The following PIAS1 variants were observed in gnomAD, a reference collection of about 807,000 sequenced individuals.
PIAS1 encodes the protein protein inhibitor of activated STAT 1.
Under a neutral mutation model 71.3 loss-of-function variants are expected in PIAS1, and 6 were observed. The ratio of observed to expected loss-of-function variants is 0.08; its 90% confidence interval spans 0.05 to 0.17. The LOEUF (loss-of-function observed/expected upper bound fraction) is 0.17, where lower values mean the gene tolerates loss of function less well. Among genes scored for constraint, PIAS1 ranks in the 10% least tolerant of loss-of-function variants. PIAS1 has a pLI of 1.00. For missense variants in PIAS1, 555 were observed against 793.6 expected, an observed-to-expected ratio of 0.70 and a Z score of 3.61; for synonymous variants, 303 against 292.9, an observed-to-expected ratio of 1.03 and a Z score of -0.35.
chr15:68,065,371 C>G (rs756431329), intron 1 of PIAS1, among the ~76,000 whole-genome samples: 1 of 151,968 alleles, frequency 6.6e-6, no homozygotes. Flanking sequence ...AGGCAGAGTG[C>G]TTAAGCTCAG....
chr15:68,110,235 C>T (rs1168189929), intron 2 of PIAS1, among the ~76,000 whole-genome samples: 1 of 151,944 alleles, frequency 6.6e-6, no homozygotes, highest in Non-Finnish European at 1.5e-5. Context: ...ATGTACAGGA[C>T]CTATTTGAAG....
At position 68,126,588 on chromosome 15, in the gene PIAS1, G is replaced by A. The variant is rs542015632; in HGVS notation, c.470-15358G>A. On this transcript the variant is annotated intron_variant, in intron 2 of 13. Transcript: ENST00000249636. Reference sequence around the variant, plus strand: ...CTTCCCAGGAGCTGGGATTGCAGGCGTGTCCCACCACGCCCAGCCAATTTT... The same window carrying A: ...CTTCCCAGGAGCTGGGATTGCAGGCATGTCCCACCACGCCCAGCCAATTTT... Among the ~76,000 whole-genome samples the A allele has an allele frequency of 5.3e-5, 8 of 152,278 alleles. 1 individual carries two copies. In the East Asian group the frequency reaches 9.7e-4, roughly 18 times the overall value.
chr15:68,132,979 TTTTC>T (rs1161377030), intron 2 of PIAS1, among the ~76,000 whole-genome samples: 1 of 151,724 alleles, frequency 6.6e-6, no homozygotes, highest in Non-Finnish European at 1.5e-5. Flanking sequence ...TTTTCTTTTC[TTTTC>T]TTTTTTTTTT....
intron 7 of PIAS1, among the ~76,000 whole-genome samples, chr15:68,159,275 C>CT (rs1274092821): frequency 3.3e-5 from 5 of 152,010 alleles, no homozygotes; most frequent in Non-Finnish European, 2.9e-5. Flanking sequence ...TCTACTTTTA[C>CT]TTTATTTTTT....
Position 68,190,635 on chromosome 15 carries a change from ACT to A in PIAS1, c.*2801_*2802del, listed in dbSNP as rs1180331335. 3.2e-5 allele frequency: 1 copy of A among 31,610 alleles called. No homozygotes were observed. The highest frequency in any genetic ancestry group is 6.2e-5 in the Non-Finnish European group (1 of 16,242). 2.0% of individuals were successfully genotyped at this position (31,610 alleles called of 1,614,324 possible). A position where few individuals can be genotyped will look rare whatever the true frequency, so the allele number is the denominator to read the frequency against. On this transcript the variant is annotated 3_prime_UTR_variant, in exon 14 of 14. Coordinates refer to ENST00000249636, the MANE Select transcript of PIAS1 (RefSeq NM_016166.3). The surrounding 1 kb of genome is among the most constrained non-coding windows in gnomAD (Gnocchi z 4.7). ...ATGCATATGTTTGTTTCTGTACAGT[ACT>A]GTGTGTGTGTGTGTGTATATATATA...
At chr15:68,100,623 T>C (rs960550394) in intron 2 of PIAS1, among the ~76,000 whole-genome samples, 5 of 152,250 alleles carry the variant, frequency 3.3e-5, no homozygotes, top group African/African-American at 7.2e-5. Flanking sequence ...AATATTCATA[T>C]ACAATTTCCT....
intron 1 of PIAS1, among the ~76,000 whole-genome samples, chr15:68,064,406 T>A (rs559118953): frequency 6.6e-6 from 1 of 152,334 alleles, no homozygotes; most frequent in South Asian, 2.1e-4. Flanking sequence ...GTGAAATATG[T>A]CAACATTTGG....
At chr15:68,103,459 A>T (rs953815980) in intron 2 of PIAS1, among the ~76,000 whole-genome samples, 1 of 151,844 alleles carries the variant, frequency 6.6e-6, no homozygotes, top group African/African-American at 2.4e-5. Context: ...CTTTATTGAC[A>T]TATAATTCAT....
At position 68,191,699 on chromosome 15, in the gene PIAS1, T is replaced by G. The variant is rs567943484; in HGVS notation, c.*3864T>G. ...TAAATCACAGCATCTGTTTAGTATC[T>G]GCAGTTTGAATGCTAAGAGCACCGT... On this transcript the variant is annotated 3_prime_UTR_variant, in exon 14 of 14. Coordinates refer to ENST00000249636, the MANE Select transcript of PIAS1 (RefSeq NM_016166.3). The G allele has an allele frequency of 6.6e-6, 1 of 152,618 alleles. No homozygotes were observed. The highest frequency in any genetic ancestry group is 2.4e-5 in the African/African-American group (1 of 41,596). 9.5% of individuals were successfully genotyped at this position (152,618 alleles called of 1,614,324 possible). A position where few individuals can be genotyped will look rare whatever the true frequency, so the allele number is the denominator to read the frequency against.
chr15:68,104,036 A>G lies in PIAS1; in HGVS notation c.469+17286A>G, dbSNP rs147292274. On this transcript the variant is annotated intron_variant, in intron 2 of 13. Coordinates refer to ENST00000249636, the MANE Select transcript of PIAS1 (RefSeq NM_016166.3). ...GACTGTTTTCTAAAGCAGCTGTACCATTTATATTCCCACCAGTGATTTATG... is the reference window on the plus strand; with the variant it reads ...GACTGTTTTCTAAAGCAGCTGTACCGTTTATATTCCCACCAGTGATTTATG... Among the ~76,000 whole-genome samples the G allele has an allele frequency of 6.1e-3, 928 of 152,312 alleles. 4 individuals carry two copies. Among genetic ancestry groups the G allele is most frequent in the East Asian group, 0.032 (167 of 5,188 alleles).
rs1567058351 is a variant in PIAS1, at chr15:68,135,484, C to CA, written c.470-6462_470-6461insA. 1.0e-4 allele frequency among the ~76,000 whole-genome samples: 2 copies of CA among 19,688 alleles called. 1 individual carries two copies. Among genetic ancestry groups the CA allele is most frequent in the Admixed American group, 7.3e-4 (2 of 2,744 alleles). 12.9% of individuals were successfully genotyped at this position (19,688 alleles called of 152,430 possible). A position where few individuals can be genotyped will look rare whatever the true frequency, so the allele number is the denominator to read the frequency against. On this transcript the variant is annotated intron_variant, in intron 2 of 13. Coordinates refer to ENST00000249636, the MANE Select transcript of PIAS1 (RefSeq NM_016166.3). ...CCACCCCCCGGACGGGGCGGCTGGC[C>CA]GGGGGGGGCTAACCCCCCCCACCTC...
intron 2 of PIAS1, among the ~76,000 whole-genome samples, chr15:68,113,187 A>T (rs574232433): frequency 2.6e-5 from 4 of 152,284 alleles, no homozygotes; most frequent in Admixed American, 2.6e-4. Flanking sequence ...TATTACATGC[A>T]TGTGGTTATA....
At chr15:68,168,096 C>G (rs567212753) in intron 8 of PIAS1, among the ~76,000 whole-genome samples, 5 of 152,230 alleles carry the variant, frequency 3.3e-5, no homozygotes, top group African/African-American at 7.2e-5. Context: ...GCAACCTCCA[C>G]TTCCTGGGTT....
intron 9 of PIAS1, among the ~76,000 whole-genome samples, chr15:68,175,323 A>C (rs1383232124): frequency 6.6e-6 from 1 of 152,242 alleles, no homozygotes; most frequent in African/African-American, 2.4e-5. Flanking sequence ...TATAAAGAAG[A>C]AAAATAAATA....
intron 7 of PIAS1, among the ~76,000 whole-genome samples, chr15:68,154,745 G>T (rs1321209706): frequency 6.6e-6 from 1 of 152,226 alleles, no homozygotes; most frequent in Non-Finnish European, 1.5e-5. Flanking sequence ...TTTGGCTAAT[G>T]CCTCTGTAGG....
chr15:68,124,740 A>G (rs1567052830), intron 2 of PIAS1, among the ~76,000 whole-genome samples: 1 of 152,142 alleles, frequency 6.6e-6, no homozygotes, highest in Non-Finnish European at 1.5e-5. Context: ...ACAAACAAAT[A>G]AACAAAACCC....
chr15:68,080,418 G>C (rs915982701), intron 1 of PIAS1, among the ~76,000 whole-genome samples: 1 of 152,172 alleles, frequency 6.6e-6, no homozygotes, highest in Non-Finnish European at 1.5e-5. Flanking sequence ...AGGCACTACA[G>C]GTCATTTTCC....
chr15:68,057,876 TC>T (rs2091913482), intron 1 of PIAS1, among the ~76,000 whole-genome samples: 1 of 152,228 alleles, frequency 6.6e-6, no homozygotes, highest in South Asian at 2.1e-4. Context: ...TTGAAATACC[TC>T]CTTCTTTTCA....
intron 6 of PIAS1, among the ~76,000 whole-genome samples, chr15:68,152,255 G>A (rs555206235): frequency 9.9e-5 from 15 of 152,176 alleles, no homozygotes; most frequent in Middle Eastern, 3.4e-3. Flanking sequence ...GGCTGGGAAA[G>A]TTTTAATGTT....
Sources: allele counts gnomAD v4.1 joint callset (sites outside exome capture counted in the v4.1 genomes callset), GRCh38; gene constraint gnomAD v4.1.1; non-coding constraint Gnocchi (gnomAD v3.1); transcripts MANE v1.5; gene names NCBI Gene and HGNC (gene_info 2026-07-23, HGNC 2026-07-21).